Variants in CARF observed in about 807,000 individuals in gnomAD.
CARF encodes the protein calcium-responsive transcription factor.
Under a neutral mutation model 82.0 loss-of-function variants are expected in CARF, and 57 were observed. The ratio of observed to expected loss-of-function variants is 0.70; its 90% confidence interval spans 0.56 to 0.87. CARF has a LOEUF of 0.87. CARF is among the 40% of genes least tolerant of loss of function. CARF has a pLI of 0.00. For missense variants in CARF, 771 were observed against 855.8 expected (o/e 0.90, Z 1.24); for synonymous variants, 268 against 290.1 (o/e 0.92, Z 0.77).
intron 2 of CARF, among the ~76,000 whole-genome samples, chr2:202,921,796 G>A (rs1203693660): frequency 2.0e-5 from 3 of 151,986 alleles, no homozygotes; most frequent in East Asian, 1.9e-4. Flanking sequence ...TTGTTTTAAT[G>A]ACATAAACAA....
chr2:202,935,327 TATA>T, intron 3 of CARF, among the ~76,000 whole-genome samples: 2 of 3,192 alleles, frequency 6.3e-4, no homozygotes, highest in South Asian at 0.05. Flanking sequence ...TGTATATTTA[TATA>T]TATATATATA....
chr2:202,953,346 C>A (rs1197688619), intron 6 of CARF, among the ~76,000 whole-genome samples: 2 of 151,910 alleles, frequency 1.3e-5, no homozygotes, highest in African/African-American at 4.8e-5. Flanking sequence ...TTTTATTAGC[C>A]ATGTGACTCA....
At chr2:202,957,943 CA>C (rs990516921) in intron 8 of CARF, among the ~76,000 whole-genome samples, 9 of 142,590 alleles carry the variant, frequency 6.3e-5, no homozygotes, top group East Asian at 2.0e-4. Flanking sequence ...GACTCCATCT[CA>C]AAAAAAAAAA....
chr2:202,916,721 A>AT (rs1456805477), intron 1 of CARF, among the ~76,000 whole-genome samples: 9 of 151,966 alleles, frequency 5.9e-5, no homozygotes, highest in South Asian at 2.1e-4. Context: ...TGTTAAGACC[A>AT]TTTTTTTTGG....
At chr2:202,919,346 T>A (rs1004035149) in intron 2 of CARF, among the ~76,000 whole-genome samples, 2 of 152,082 alleles carry the variant, frequency 1.3e-5, no homozygotes, top group African/African-American at 4.8e-5. Flanking sequence ...TGAGCAAAAG[T>A]AAATAAAGTA....
chr2:202,939,830 A>C (rs2058140295), intron 3 of CARF, among the ~76,000 whole-genome samples: 1 of 151,418 alleles, frequency 6.6e-6, no homozygotes, highest in South Asian at 2.1e-4. Flanking sequence ...CTGGGACTGC[A>C]GACCCACACC....
At chr2:202,970,346 A>G (rs189127000) in intron 11 of CARF, among the ~76,000 whole-genome samples, 103 of 152,314 alleles carry the variant, frequency 6.8e-4, no homozygotes, top group African/African-American at 2.4e-3. Context: ...TCAAAATGAC[A>G]AAGACATACT....
At chr2:202,974,222 T>C in intron 12 of CARF, 112 bp from the exon 13 acceptor site, 1 of 698,024 alleles carries the variant, frequency 1.4e-6, no homozygotes, top group East Asian at 3.1e-5. Context: ...CTTACAGAGC[T>C]ATAAACCATA....
chr2:202,925,943 A>C (rs890856070), intron 3 of CARF: 12 of 160,954 alleles, frequency 7.5e-5, no homozygotes, highest in Admixed American at 1.9e-4. Context: ...AGCTTTGGCC[A>C]CAAGTATGAC....
intron 1 of CARF, among the ~76,000 whole-genome samples, chr2:202,916,927 C>T (rs988379140): frequency 2.0e-5 from 3 of 152,112 alleles, no homozygotes; most frequent in African/African-American, 7.2e-5. Flanking sequence ...AAACGCTGAG[C>T]TCGCCGGGCG....
At chr2:202,956,069 C>T (rs2059024214) in intron 8 of CARF, among the ~76,000 whole-genome samples, 2 of 151,446 alleles carry the variant, frequency 1.3e-5, no homozygotes. Context: ...TCTTTCTTTG[C>T]TTGCACTTAT....
chr2:202,938,981 G>A (rs1482112719), intron 3 of CARF, among the ~76,000 whole-genome samples: 1 of 152,124 alleles, frequency 6.6e-6, no homozygotes, highest in Admixed American at 6.6e-5. Context: ...TCTGTAGGGA[G>A]TCTGTCTTAT....
intron 2 of CARF, among the ~76,000 whole-genome samples, chr2:202,919,318 A>C (rs1690347248): frequency 6.6e-6 from 1 of 152,214 alleles, no homozygotes; most frequent in African/African-American, 2.4e-5. Flanking sequence ...AATTTTACTG[A>C]TGAAATTTCA....
rs67855316 is a variant in CARF at position 202,953,498 on chromosome 2, G to GTTTTTTTTTTT, written c.428-498_428-488dup. Among the ~76,000 whole-genome samples the GTTTTTTTTTTT allele has an allele frequency of 3.7e-4, 26 of 70,288 alleles. 1 individual carries two copies. The highest frequency in any genetic ancestry group is 4.9e-4 in the Admixed American group (2 of 4,122). The allele number at this position is 70,288 out of a possible 152,430, so 46.1% of individuals were successfully genotyped here. A position where few individuals can be genotyped will look rare whatever the true frequency, so the allele number is the denominator to read the frequency against. On this transcript the variant is annotated intron_variant, in intron 6 of 16. Coordinates refer to ENST00000438828, the MANE Select transcript of CARF (RefSeq NM_024744.17). ...ATATGCCTATTACTCTTTTTTTGTT[G>GTTTTTTTTTTT]TTTTTTTTTTTTTTTTTTTGCTTTC...
Position 202,967,008 on chromosome 2 carries a change from A to G in CARF, c.863A>G (p.Tyr288Cys). ...GSRAVVMECQ[Y>C]GPRRKGFQLK... ...AGAGCTGTGGTAATGGAGTGTCAGTATGGGCCAAGAAGAAAAGGTTTCCAG... is the reference window on the plus strand; with the variant it reads ...AGAGCTGTGGTAATGGAGTGTCAGTGTGGGCCAAGAAGAAAAGGTTTCCAG... Residue 288 changes from tyrosine (Y) to cysteine (C), a missense_variant, in exon 10 of 17, where the codon TAT (tyrosine) becomes TGT (cysteine). Transcript: ENST00000438828. The G allele has an allele frequency of 1.2e-6, 2 of 1,613,984 alleles. No homozygotes were observed. Among genetic ancestry groups the G allele is most frequent in the Non-Finnish European group, 1.7e-6 (2 of 1,179,952 alleles).
At chr2:202,977,443 C>A in intron 14 of CARF, 111 bp downstream of exon 14, 1 of 775,822 alleles carries the variant, frequency 1.3e-6, no homozygotes, top group Non-Finnish European at 2.2e-6. Context: ...AACCAGGATC[C>A]AAAGACGTAG....
chr2:202,979,725 T>C (rs1214727096), intron 14 of CARF, among the ~76,000 whole-genome samples: 2 of 150,624 alleles, frequency 1.3e-5, no homozygotes, highest in African/African-American at 4.9e-5. Flanking sequence ...CACTTGAACC[T>C]GGGAGGCAGA....
At chr2:202,965,845 T>C (rs1235585620) in intron 9 of CARF, among the ~76,000 whole-genome samples, 3 of 152,248 alleles carry the variant, frequency 2.0e-5, no homozygotes, top group Non-Finnish European at 4.4e-5. Context: ...TATCTATTGC[T>C]GTGTAACAAA....
chr2:202,959,815 C>CA (rs11334679), intron 8 of CARF, among the ~76,000 whole-genome samples: 15 of 140,274 alleles, frequency 1.1e-4, no homozygotes, highest in South Asian at 6.8e-4. Context: ...ATCTCAAAAA[C>CA]AAAAAAAAAA....
Sources: gnomAD v4.1 joint callset for allele counts (sites outside exome capture counted in the v4.1 genomes callset) on GRCh38, gnomAD v4.1.1 for gene constraint, MANE v1.5 for transcripts, NCBI Gene and HGNC (gene_info 2026-07-23, HGNC 2026-07-21) for gene names.